Variants in EGFLAM observed in about 807,000 individuals in gnomAD.
The protein encoded by EGFLAM is pikachurin.
In EGFLAM, 79 loss-of-function variants were observed where a neutral mutation model predicts 113.1. The ratio of observed to expected loss-of-function variants is 0.70; its 90% confidence interval spans 0.58 to 0.84. EGFLAM has a LOEUF of 0.84. Ranked by LOEUF, EGFLAM falls within the 40% of genes least tolerant of loss-of-function variation. EGFLAM has a pLI of 0.00. For missense variants in EGFLAM, 1,265 were observed against 1,291.6 expected (o/e 0.98, Z 0.32); for synonymous variants, 504 against 487.6 (o/e 1.03, Z -0.44).
intron 11 of EGFLAM, among the ~76,000 whole-genome samples, chr5:38,413,300 G>A (rs958972880): frequency 1.3e-5 from 2 of 150,604 alleles, no homozygotes; most frequent in Non-Finnish European, 3.0e-5. Flanking sequence ...AAGTGCTGGG[G>A]TTACGGGGAT....
intron 3 of EGFLAM, among the ~76,000 whole-genome samples, chr5:38,349,809 A>ACT (rs970828606): frequency 1.5e-5 from 2 of 132,284 alleles, no homozygotes; most frequent in African/African-American, 5.4e-5. Context: ...ACACACACAC[A>ACT]CTTTTAAGAA....
chr5:38,341,983 G>A (rs1480479651), intron 3 of EGFLAM, among the ~76,000 whole-genome samples: 1 of 151,850 alleles, frequency 6.6e-6, no homozygotes, highest in Non-Finnish European at 1.5e-5. Flanking sequence ...CTGATCATCA[G>A]GCAATTTTTG....
At position 38,464,767 on chromosome 5, in the gene EGFLAM, T is replaced by G. The variant is rs1405840740; in HGVS notation, c.*781T>G. 6.6e-6 allele frequency: 1 copy of G among 152,216 alleles called. No homozygotes were observed. The highest frequency in any genetic ancestry group is 2.4e-5 in the African/African-American group (1 of 41,446). The allele number at this position is 152,216 out of a possible 1,614,324, so 9.4% of individuals were successfully genotyped here. A position where few individuals can be genotyped will look rare whatever the true frequency, so the allele number is the denominator to read the frequency against. ...ATTCTTGCACACCTTTCCTAAAAATTTCTCCCAAGAGAGACTTGTTTGGGC... is the reference window on the plus strand; with the variant it reads ...ATTCTTGCACACCTTTCCTAAAAATGTCTCCCAAGAGAGACTTGTTTGGGC... On this transcript the variant is annotated 3_prime_UTR_variant, in exon 22 of 22. Transcript: ENST00000322350.
chr5:38,352,679 C>T (rs2111988796), intron 5 of EGFLAM, among the ~76,000 whole-genome samples: 1 of 150,636 alleles, frequency 6.6e-6, no homozygotes, highest in East Asian at 2.0e-4. Flanking sequence ...GTGTAGATGT[C>T]AGAATTCCAA....
intron 6 of EGFLAM, among the ~76,000 whole-genome samples, chr5:38,373,217 T>G (rs1000203315): frequency 4.0e-5 from 6 of 151,790 alleles, no homozygotes; most frequent in Non-Finnish European, 8.8e-5. Flanking sequence ...TTTTACAGAT[T>G]AAAAAAAATG....
At chr5:38,423,196 G>A (rs931753066) in intron 12 of EGFLAM, among the ~76,000 whole-genome samples, 1 of 152,194 alleles carries the variant, frequency 6.6e-6, no homozygotes, top group Non-Finnish European at 1.5e-5. Flanking sequence ...TGCTGGAGGA[G>A]TGTTCTTGCC....
At chr5:38,441,936 A>G (rs1414368034) in intron 17 of EGFLAM, among the ~76,000 whole-genome samples, 2 of 152,132 alleles carry the variant, frequency 1.3e-5, no homozygotes, top group African/African-American at 2.4e-5. Context: ...GTGGCCCCGC[A>G]TAAGACAGAG....
intron 17 of EGFLAM, 68 bp downstream of exon 17, chr5:38,438,523 C>T: frequency 7.1e-7 from 1 of 1,413,682 alleles, no homozygotes; most frequent in Non-Finnish European, 9.3e-7. Context: ...AATTGGGGGA[C>T]CACAACTCTT....
chr5:38,425,104 G>A lies in EGFLAM; in HGVS notation c.1810+12G>A, dbSNP rs768734384. 10 of 1,611,948 alleles carry A rather than the reference G, an allele frequency of 6.2e-6. No homozygotes were observed. In the South Asian group the frequency reaches 7.7e-5, roughly 12 times the overall value. ...ACACTGTGAAGATGGTGAGAAAGAA[G>A]CAAGTTGAAGGCGGTTTCTATCTGC... is the stretch of plus-strand genomic sequence containing the variant. On this transcript the variant is annotated intron_variant, in intron 13 of 21. Coordinates refer to ENST00000322350, the MANE Select transcript of EGFLAM (RefSeq NM_152403.4).
At chr5:38,443,576 C>T (rs542485487) in intron 17 of EGFLAM, among the ~76,000 whole-genome samples, 2 of 152,272 alleles carry the variant, frequency 1.3e-5, no homozygotes, top group Non-Finnish European at 2.9e-5. Context: ...TGGTCCAGCA[C>T]GGGAGCGTGC....
intron 8 of EGFLAM, 78 bp downstream of exon 8, chr5:38,407,224 C>T: frequency 6.8e-7 from 1 of 1,475,968 alleles, no homozygotes; most frequent in Non-Finnish European, 9.2e-7. Flanking sequence ...GTGGTCCAAA[C>T]ATAGTTCCTT....
At chr5:38,360,581 A>G (rs927241965) in intron 5 of EGFLAM, among the ~76,000 whole-genome samples, 2 of 152,080 alleles carry the variant, frequency 1.3e-5, no homozygotes, top group South Asian at 4.1e-4. Context: ...AAGCTGTGTG[A>G]TCTTTGGTGG....
At chr5:38,281,966 T>C (rs1471659592) in intron 1 of EGFLAM, among the ~76,000 whole-genome samples, 1 of 152,252 alleles carries the variant, frequency 6.6e-6, no homozygotes, top group Admixed American at 6.5e-5. Flanking sequence ...TCTTCATCTC[T>C]TGAGAGTCAT....
rs2093006380 is a variant in EGFLAM, at chr5:38,258,587, GTCCTACCTCTTGGAACT to G, written c.-167_-151del. On this transcript the variant is annotated 5_prime_UTR_variant, in exon 1 of 22. Coordinates refer to ENST00000322350, the MANE Select transcript of EGFLAM (RefSeq NM_152403.4). ...CGCGCACGCCGACCTCCCGGCTGCAGTCCTACCTCTTGGAACTACCCGTGTTTCCGGGCCCAGCCCTC... is the reference window on the plus strand; with the variant it reads ...CGCGCACGCCGACCTCCCGGCTGCAGACCCGTGTTTCCGGGCCCAGCCCTC... 1 of 739,896 alleles carries G rather than the reference GTCCTACCTCTTGGAACT, an allele frequency of 1.4e-6. No homozygotes were observed. Among genetic ancestry groups the G allele is most frequent in the Non-Finnish European group, 2.3e-6 (1 of 436,680 alleles). 45.8% of individuals were successfully genotyped at this position (739,896 alleles called of 1,614,324 possible). A position where few individuals can be genotyped will look rare whatever the true frequency, so the allele number is the denominator to read the frequency against.
chr5:38,442,181 A>C (rs1411533178), intron 17 of EGFLAM, among the ~76,000 whole-genome samples: 2 of 151,924 alleles, frequency 1.3e-5, no homozygotes, highest in African/African-American at 4.8e-5. Flanking sequence ...AAATATAAGA[A>C]AACTCTGTAT....
At chr5:38,356,806 TCAGAGAGAGCTTTC>T (rs1222567162) in intron 5 of EGFLAM, among the ~76,000 whole-genome samples, 1 of 152,198 alleles carries the variant, frequency 6.6e-6, no homozygotes, top group Non-Finnish European at 1.5e-5. Context: ...GAATGTATGT[TCAGAGAGAGCTTTC>T]CTGGGCTCTA....
intron 6 of EGFLAM, among the ~76,000 whole-genome samples, chr5:38,395,913 C>T (rs74544736): frequency 0.028 from 4,222 of 152,234 alleles, 90 homozygotes; most frequent in Middle Eastern, 0.051. Context: ...CTTTGCTTTT[C>T]TAGCAGATCA....
chr5:38,346,013 C>A (rs1380249555), intron 3 of EGFLAM, among the ~76,000 whole-genome samples: 1 of 152,136 alleles, frequency 6.6e-6, no homozygotes, highest in Non-Finnish European at 1.5e-5. Context: ...ACTCAGCCCC[C>A]TTGATTTTTA....
chr5:38,281,509 T>A (rs1758020606), intron 1 of EGFLAM, among the ~76,000 whole-genome samples: 1 of 152,230 alleles, frequency 6.6e-6, no homozygotes, highest in Admixed American at 6.5e-5. Context: ...TGTTTCTGTT[T>A]GCTAAATCTG....
Sources: allele counts gnomAD v4.1 joint callset (sites outside exome capture counted in the v4.1 genomes callset), GRCh38; gene constraint gnomAD v4.1.1; transcripts MANE v1.5; gene names NCBI Gene and HGNC (gene_info 2026-07-23, HGNC 2026-07-21).